The following LRP1B variants were observed in gnomAD, a reference collection of about 807,000 sequenced individuals.
LRP1B encodes the protein LDL receptor related protein 1B.
Under a neutral mutation model 556.6 loss-of-function variants are expected in LRP1B, and 217 were observed. The observed-to-expected ratio is 0.39, with a 90% CI of 0.35 to 0.44. LRP1B has a LOEUF of 0.44. Among genes scored for constraint, LRP1B ranks in the 20% least tolerant of loss-of-function variants. The pLI, the probability that LRP1B is intolerant of heterozygous loss-of-function variation, is 1.00. For missense variants in LRP1B, 5,053 were observed against 5,620.8 expected (o/e 0.90, Z 3.23); for synonymous variants, 2,047 against 1,865.8 (o/e 1.10, Z -2.50).
chr2:140,824,888 G>A (rs1391362413), intron 31 of LRP1B, among the ~76,000 whole-genome samples: 2 of 151,998 alleles, frequency 1.3e-5, no homozygotes, highest in Non-Finnish European at 2.9e-5. Context: ...TATAGGACAG[G>A]AAACAGTATT....
chr2:140,513,879 CA>C (rs1689769128), intron 51 of LRP1B, among the ~76,000 whole-genome samples: 1 of 151,918 alleles, frequency 6.6e-6, no homozygotes, highest in Non-Finnish European at 1.5e-5. Flanking sequence ...TATATAGCTA[CA>C]GGTACAAATG....
intron 14 of LRP1B, among the ~76,000 whole-genome samples, chr2:141,012,961 T>C (rs965692580): frequency 6.6e-6 from 1 of 151,930 alleles, no homozygotes; most frequent in Admixed American, 6.6e-5. Flanking sequence ...TTCTGAGTAA[T>C]GCTATGTGTA....
intron 35 of LRP1B, among the ~76,000 whole-genome samples, chr2:140,734,266 A>T (rs1423250665): frequency 6.6e-6 from 1 of 152,222 alleles, no homozygotes; most frequent in Non-Finnish European, 1.5e-5. Context: ...CCCCTAGGAA[A>T]TATGCAGAAA....
chr2:142,077,408 G>A (rs538933137), intron 1 of LRP1B, among the ~76,000 whole-genome samples: 14 of 152,052 alleles, frequency 9.2e-5, no homozygotes, highest in Non-Finnish European at 1.8e-4. Context: ...GCACAACTTG[G>A]AGGCAGGATG....
rs191156699 is a variant in LRP1B at position 140,989,414 on chromosome 2, C to T, written c.2770+118G>A. 8.8e-6 allele frequency: 9 copies of T among 1,027,458 alleles called. No individual in the cohort carries two copies. In the African/African-American group the frequency reaches 1.4e-4, roughly 16 times the overall value. The allele number at this position is 1,027,458 out of a possible 1,614,324, so 63.6% of individuals were successfully genotyped here. A position where few individuals can be genotyped will look rare whatever the true frequency, so the allele number is the denominator to read the frequency against. On this transcript the variant is annotated intron_variant, in intron 17 of 90. Coordinates refer to ENST00000389484, the MANE Select transcript of LRP1B (RefSeq NM_018557.3). ...CATCAAACTCTGAATTCATTTACTA[C>T]TGCAATAATCAGATCATCAGCACTA...
At chr2:141,827,898 T>C (rs947107287) in intron 1 of LRP1B, among the ~76,000 whole-genome samples, 1 of 152,008 alleles carries the variant, frequency 6.6e-6, no homozygotes, top group Non-Finnish European at 1.5e-5. Flanking sequence ...TTTAGACATA[T>C]ATTTATATAC....
intron 3 of LRP1B, among the ~76,000 whole-genome samples, chr2:141,429,206 A>C (rs902615523): frequency 1.1e-4 from 17 of 152,318 alleles, no homozygotes; most frequent in African/African-American, 4.1e-4. Context: ...GAAACATTTA[A>C]AACAATTAGA....
chr2:140,715,923 T>A (rs140199069), intron 37 of LRP1B, 50 bp downstream of exon 37: 986 of 1,428,594 alleles, frequency 6.9e-4, no homozygotes, highest in Non-Finnish European at 5.2e-4. Context: ...TCAATAGAAC[T>A]TAGAAAACTC....
chr2:141,800,852 C>T (rs1023125486), intron 2 of LRP1B, among the ~76,000 whole-genome samples: 1 of 152,112 alleles, frequency 6.6e-6, no homozygotes, highest in African/African-American at 2.4e-5. Context: ...AGTAGTCCCC[C>T]AACAAATAGC....
intron 35 of LRP1B, among the ~76,000 whole-genome samples, chr2:140,732,243 A>C (rs1441450): frequency 0.16 from 24,324 of 151,934 alleles, 2,009 homozygotes; most frequent in South Asian, 0.2. Flanking sequence ...ACCAGATTGA[A>C]AGGAAGTCCA....
chr2:141,195,133 T>A (rs1681698438), intron 6 of LRP1B, among the ~76,000 whole-genome samples: 1 of 152,094 alleles, frequency 6.6e-6, no homozygotes, highest in African/African-American at 2.4e-5. Flanking sequence ...TTTCTGAGGG[T>A]AAGTCACAAA....
chr2:140,698,159 T>C (rs1686503356), intron 41 of LRP1B, among the ~76,000 whole-genome samples: 1 of 152,018 alleles, frequency 6.6e-6, no homozygotes, highest in Non-Finnish European at 1.5e-5. Flanking sequence ...ACTACCTGCA[T>C]TTCAATCATA....
At chr2:141,821,533 C>A (rs981394505) in intron 1 of LRP1B, among the ~76,000 whole-genome samples, 1 of 152,038 alleles carries the variant, frequency 6.6e-6, no homozygotes, top group Non-Finnish European at 1.5e-5. Flanking sequence ...TTATGAAAAA[C>A]CTTATAAATT....
intron 6 of LRP1B, among the ~76,000 whole-genome samples, chr2:141,207,669 G>A (rs1038148781): frequency 6.8e-6 from 1 of 147,874 alleles, no homozygotes; most frequent in Admixed American, 6.7e-5. Context: ...TTTTGTTTTT[G>A]TTTTTGTTTT....
At chr2:141,581,690 C>T (rs997838629) in intron 2 of LRP1B, among the ~76,000 whole-genome samples, 14 of 152,108 alleles carry the variant, frequency 9.2e-5, no homozygotes, top group African/African-American at 3.1e-4. Flanking sequence ...GAGTCTCAAG[C>T]CTTTAATTCA....
At chr2:141,955,313 T>C (rs974854366) in intron 1 of LRP1B, among the ~76,000 whole-genome samples, 1 of 152,140 alleles carries the variant, frequency 6.6e-6, no homozygotes, top group African/African-American at 2.4e-5. Context: ...AACTACCACA[T>C]AATAGTTTTA....
intron 71 of LRP1B, among the ~76,000 whole-genome samples, chr2:140,370,312 G>A (rs1682939826): frequency 1.3e-5 from 2 of 151,990 alleles, no homozygotes; most frequent in Non-Finnish European, 2.9e-5. Flanking sequence ...TATGCCATAT[G>A]TTGTTCCTAT....
At position 141,427,532 on chromosome 2, in the gene LRP1B, A is replaced by T. The variant is rs370522686; in HGVS notation, c.343+52864T>A. Among the ~76,000 whole-genome samples, 3 of 152,330 alleles carry T rather than the reference A, an allele frequency of 2.0e-5. No homozygotes were observed. In the East Asian group the frequency reaches 5.8e-4, roughly 29 times the overall value. On this transcript the variant is annotated intron_variant, in intron 3 of 90. Transcript: ENST00000389484. ...TTTAACAATCTCTTATAGTTACTGTAATATAGCAAAAAGTGGAAATGCAGG... is the reference window on the plus strand; with the variant it reads ...TTTAACAATCTCTTATAGTTACTGTTATATAGCAAAAAGTGGAAATGCAGG...
At chr2:141,647,682 A>G (rs146981380) in intron 2 of LRP1B, among the ~76,000 whole-genome samples, 1,690 of 147,908 alleles carry the variant, frequency 0.011, 19 homozygotes, top group South Asian at 0.022. Flanking sequence ...TGAGAAGTTT[A>G]GAACAGGGAA....
Sources: allele counts gnomAD v4.1 joint callset (sites outside exome capture counted in the v4.1 genomes callset), GRCh38; gene constraint gnomAD v4.1.1; transcripts MANE v1.5; gene names NCBI Gene and HGNC (gene_info 2026-07-23, HGNC 2026-07-21).